Variants in GLRA2 observed in about 807,000 individuals in gnomAD.
The protein encoded by GLRA2 is glycine receptor subunit alpha-2.
GLRA2 carries 11 observed loss-of-function variants against 31.6 expected under a neutral mutation model. The ratio of observed to expected loss-of-function variants is 0.35; its 90% CI spans 0.22 to 0.58. The LOEUF is 0.58. Among genes scored for constraint, GLRA2 ranks in the 20% least tolerant of loss-of-function variants. The pLI, the probability that GLRA2 is intolerant of heterozygous loss-of-function variation, is 0.84. For synonymous variants in GLRA2, 132 were observed against 134.0 expected (o/e 0.99, Z 0.10); for missense variants, 212 against 351.8 (o/e 0.60, Z 3.18).
intron 2 of GLRA2, among the ~76,000 whole-genome samples, chrX:14,548,394 C>T (rs1260449960): frequency 9.0e-6 from 1 of 111,405 alleles, no homozygotes; most frequent in Non-Finnish European, 1.9e-5. Flanking sequence ...GGTTTTTGTG[C>T]ACTTTCTGTT....
At chrX:14,583,170 C>T (rs901702822) in intron 4 of GLRA2, among the ~76,000 whole-genome samples, 7 of 111,499 alleles carry the variant, frequency 6.3e-5, no homozygotes, top group Non-Finnish European at 1.3e-4. Flanking sequence ...AAAAATAACA[C>T]ATGCTGGTGA....
the GLRA2 span, among the ~76,000 whole-genome samples, chrX:14,454,983 A>G: frequency 1.8e-5 from 2 of 111,939 alleles, no homozygotes; most frequent in Non-Finnish European, 3.8e-5. Flanking sequence ...ACCTATGTAA[A>G]TGTCAGCCTA....
chrX:14,540,565 T>C (rs1336160014), intron 2 of GLRA2, among the ~76,000 whole-genome samples: 1 of 110,234 alleles, frequency 9.1e-6, no homozygotes, highest in Non-Finnish European at 1.9e-5. Flanking sequence ...GGGGTTGGGG[T>C]GGGGAAATGG....
chrX:14,509,488 C>G, the GLRA2 span, among the ~76,000 whole-genome samples: 1 of 112,650 alleles, frequency 8.9e-6, no homozygotes, highest in South Asian at 3.6e-4. Context: ...AAGACTCAGA[C>G]TTTGTTATAT....
intron 3 of GLRA2, among the ~76,000 whole-genome samples, chrX:14,579,276 A>G (rs746941594): frequency 9.0e-6 from 1 of 111,550 alleles, no homozygotes; most frequent in South Asian, 3.8e-4. Context: ...GATAGCAGGT[A>G]GCTACATTTC....
chrX:14,661,544 T>C (rs1427846660), intron 7 of GLRA2, among the ~76,000 whole-genome samples: 1 of 111,781 alleles, frequency 8.9e-6, no homozygotes, highest in Non-Finnish European at 1.9e-5. Flanking sequence ...TAATAACTTC[T>C]AGGAAGTAGA....
the GLRA2 span, among the ~76,000 whole-genome samples, chrX:14,500,367 T>C: frequency 2.6e-3 from 291 of 112,489 alleles, 1 homozygote; most frequent in African/African-American, 8.6e-3. Context: ...ATCCCAGTAG[T>C]ATGGAAAGTC....
At chrX:14,725,954 A>G (rs1418549528) in intron 8 of GLRA2, among the ~76,000 whole-genome samples, 2 of 112,535 alleles carry the variant, frequency 1.8e-5, no homozygotes, top group Non-Finnish European at 3.8e-5. Context: ...CTAATCAGTG[A>G]ATAACAAAAG....
the GLRA2 span, among the ~76,000 whole-genome samples, chrX:14,493,791 A>ACG: frequency 9.6e-6 from 1 of 104,170 alleles, no homozygotes; most frequent in African/African-American, 3.5e-5. Context: ...AGACACACAC[A>ACG]CACACACATA....
Position 14,713,800 on chromosome X carries a change from A to C in GLRA2, c.1081-16407A>C, listed in dbSNP as rs148240573. Reference sequence around the variant, plus strand: ...GGAGAACAGCAGGAGTTAAGGTCTGAGAGGTAAAGGGGATGTTACAAGGAC... The same window carrying C: ...GGAGAACAGCAGGAGTTAAGGTCTGCGAGGTAAAGGGGATGTTACAAGGAC... On this transcript the variant is annotated intron_variant, in intron 8 of 8. Transcript: ENST00000218075. Among the ~76,000 whole-genome samples, 46 of 111,512 alleles carry C rather than the reference A, an allele frequency of 4.1e-4. No individual in the cohort carries two copies. In the East Asian group the frequency reaches 0.012, roughly 29 times the overall value.
the GLRA2 span, among the ~76,000 whole-genome samples, chrX:14,449,124 C>T: frequency 4.6e-3 from 513 of 112,158 alleles, 5 homozygotes; most frequent in African/African-American, 0.015. Flanking sequence ...ACCAAAATAT[C>T]GAGTAAACCA....
intron 8 of GLRA2, among the ~76,000 whole-genome samples, chrX:14,695,023 T>C (rs1431232648): frequency 9.0e-6 from 1 of 111,505 alleles, no homozygotes; most frequent in Non-Finnish European, 1.9e-5. Context: ...CTCGATAGAG[T>C]TGGCAAGTAA....
At chrX:14,475,435 C>G in the GLRA2 span, among the ~76,000 whole-genome samples, 5 of 111,997 alleles carry the variant, frequency 4.5e-5, no homozygotes, top group African/African-American at 1.6e-4. Context: ...TGGCTTGACC[C>G]TAGAAACATA....
At chrX:14,701,484 A>G (rs2091540447) in intron 8 of GLRA2, among the ~76,000 whole-genome samples, 1 of 111,594 alleles carries the variant, frequency 9.0e-6, no homozygotes, top group African/African-American at 3.3e-5. Flanking sequence ...CACAGGTTGC[A>G]TGCCCGTGAA....
At chrX:14,615,318 CATTT>C (rs1416057181) in intron 7 of GLRA2, among the ~76,000 whole-genome samples, 2 of 111,625 alleles carry the variant, frequency 1.8e-5, no homozygotes, top group Admixed American at 1.9e-4. Flanking sequence ...TTCATCCATC[CATTT>C]ATTTATTCAA....
the GLRA2 span, among the ~76,000 whole-genome samples, chrX:14,501,359 C>A: frequency 8.9e-6 from 1 of 112,163 alleles, no homozygotes; most frequent in Non-Finnish European, 1.9e-5. Context: ...CATGATCCAT[C>A]TCCTATTGTC....
intron 7 of GLRA2, among the ~76,000 whole-genome samples, chrX:14,686,989 G>C (rs1158946244): frequency 9.0e-6 from 1 of 111,726 alleles, no homozygotes; most frequent in African/African-American, 3.3e-5. Context: ...GCTCTTTTAG[G>C]GCAGGCCTTG....
At chrX:14,681,909 AAATATAT>A (rs2091210050) in intron 7 of GLRA2, among the ~76,000 whole-genome samples, 1 of 69,831 alleles carries the variant, frequency 1.4e-5, no homozygotes, top group African/African-American at 5.3e-5. Flanking sequence ...AAAAAAAAAA[AAATATAT>A]ATATATATAT....
the GLRA2 span, among the ~76,000 whole-genome samples, chrX:14,519,408 A>G: frequency 8.9e-6 from 1 of 111,800 alleles, no homozygotes; most frequent in Non-Finnish European, 1.9e-5. Context: ...TTTCAACTAT[A>G]GTCAGATCCC....
Sources: gnomAD v4.1 joint callset for allele counts (sites outside exome capture counted in the v4.1 genomes callset) on GRCh38, gnomAD v4.1.1 for gene constraint, MANE v1.5 for transcripts, NCBI Gene and HGNC (gene_info 2026-07-23, HGNC 2026-07-21) for gene names.